BCAS2: variants seen among roughly 807,000 people sequenced by gnomAD.
BCAS2 encodes pre-mRNA-splicing factor SPF27.
Under a neutral mutation model 35.3 loss-of-function variants are expected in BCAS2, and 34 were observed. The ratio of observed to expected loss-of-function variants is 0.96; its 90% CI spans 0.73 to 1.28. The LOEUF (loss-of-function observed/expected upper bound fraction) is 1.28. BCAS2 is among the 50% of genes most tolerant of loss of function. The pLI, the probability that BCAS2 is intolerant of heterozygous loss-of-function variation, is 0.00. For missense variants in BCAS2, 221 were observed against 268.1 expected, an observed-to-expected ratio of 0.82 and a Z score of 1.23; for synonymous variants, 75 against 91.6, an observed-to-expected ratio of 0.82 and a Z score of 1.03.
rs1048760491 is a variant in BCAS2, at chr1:114,570,871, G to A, written c.420-121C>T. The A allele has an allele frequency of 6.7e-5, 48 of 717,450 alleles. 1 individual carries two copies. The Admixed American group carries it at 1.2e-3, about 19-fold the overall frequency. 44.4% of individuals were successfully genotyped at this position (717,450 alleles called of 1,614,324 possible). A position where few individuals can be genotyped will look rare whatever the true frequency, so the allele number is the denominator to read the frequency against. On this transcript the variant is annotated intron_variant, in intron 4 of 6. Coordinates refer to ENST00000369541, the MANE Select transcript of BCAS2 (RefSeq NM_005872.3). ...GGAGCTCTGTGCCAAGAACTATGTT[G>A]GACACTCCATAATCGAGGACTGTCA...
chr1:114,580,494 CTT>C (rs1161075551), intron 2 of BCAS2, among the ~76,000 whole-genome samples: 2 of 152,152 alleles, frequency 1.3e-5, no homozygotes, highest in African/African-American at 4.8e-5. Context: ...TCCTCTTGTC[CTT>C]ATACATACCC....
intron 4 of BCAS2, among the ~76,000 whole-genome samples, chr1:114,571,313 G>C (rs1340593399): frequency 6.6e-6 from 1 of 151,518 alleles, no homozygotes; most frequent in Non-Finnish European, 1.5e-5. Flanking sequence ...CATCTGCCTC[G>C]GCCTCCCAAA....
At position 114,581,595 on chromosome 1, in the gene BCAS2, G is replaced by A. The variant is rs199579577; in HGVS notation, c.-4C>T. 5.0e-6 allele frequency: 8 copies of A among 1,613,124 alleles called. No homozygotes were observed. In the East Asian group the frequency reaches 1.8e-4, roughly 36 times the overall value. On this transcript the variant is annotated 5_prime_UTR_variant, in exon 1 of 7. Coordinates refer to ENST00000369541, the MANE Select transcript of BCAS2 (RefSeq NM_005872.3). ...CCACCAAACCTGTGCCCGCCATTCT[G>A]AGGACCTCAGGTTTGCCTGCGTTTT... is the stretch of plus-strand genomic sequence containing the variant.
At position 114,576,604 on chromosome 1, in the gene BCAS2, G is replaced by A. The variant is rs1654773982; in HGVS notation, c.257+84C>T. 5 of 1,187,956 alleles carry A rather than the reference G, an allele frequency of 4.2e-6. No homozygotes were observed. The Admixed American group carries it at 6.1e-5, about 15-fold the overall frequency. 73.6% of individuals were successfully genotyped at this position (1,187,956 alleles called of 1,614,324 possible). A position where few individuals can be genotyped will look rare whatever the true frequency, so the allele number is the denominator to read the frequency against. ...CACCCGGCCAACACTGCCAATATTAGCCAGCAAATACATTCTTCACAAATC... is the reference window on the plus strand; with the variant it reads ...CACCCGGCCAACACTGCCAATATTAACCAGCAAATACATTCTTCACAAATC... On this transcript the variant is annotated intron_variant, in intron 3 of 6. Transcript: ENST00000369541.
At chr1:114,576,351 TG>T (rs1654765012) in intron 3 of BCAS2, among the ~76,000 whole-genome samples, 2 of 151,228 alleles carry the variant, frequency 1.3e-5, no homozygotes, top group Non-Finnish European at 1.5e-5. Flanking sequence ...CTCCATCTCC[TG>T]GGGGGTGTCA....
At chr1:114,571,648 C>T (rs1035382894) in intron 4 of BCAS2, among the ~76,000 whole-genome samples, 5 of 152,292 alleles carry the variant, frequency 3.3e-5, no homozygotes, top group South Asian at 2.1e-4. Flanking sequence ...GTGAGCCACA[C>T]GGCCTTTTGT....
rs67319421 is a variant in BCAS2, at chr1:114,568,755, C to CTT, written c.552-501_552-500dup. Among the ~76,000 whole-genome samples, 162 of 83,194 alleles carry CTT rather than the reference C, an allele frequency of 1.9e-3. 2 individuals are homozygous for CTT. The highest frequency in any genetic ancestry group is 5.0e-3 in the African/African-American group (110 of 22,198). The allele number at this position is 83,194 out of a possible 152,430, so 54.6% of individuals were successfully genotyped here. Reference sequence around the variant, plus strand: ...AGGGTACATGGAATCTCTCTGTATTCTTTTTTTTTTTTTTTTTTTTTTTTC... The same window carrying CTT: ...AGGGTACATGGAATCTCTCTGTATTCTTTTTTTTTTTTTTTTTTTTTTTTTTC... On this transcript the variant is annotated intron_variant, in intron 6 of 6. Coordinates refer to ENST00000369541, the MANE Select transcript of BCAS2 (RefSeq NM_005872.3).
chr1:114,573,802 T>C (rs1654700410), intron 4 of BCAS2, among the ~76,000 whole-genome samples: 1 of 152,244 alleles, frequency 6.6e-6, no homozygotes, highest in Non-Finnish European at 1.5e-5. Context: ...GTTGGCTTTG[T>C]AGAGTTTCCC....
chr1:114,581,460 G>A (rs769173110), intron 1 of BCAS2, 39 bp downstream of exon 1: 3 of 1,613,710 alleles, frequency 1.9e-6, no homozygotes, highest in Non-Finnish European at 2.5e-6. Context: ...TACCGAGCCA[G>A]CTAGCAGTGA....
At chr1:114,569,965 A>G (rs1570734989) in intron 6 of BCAS2, 27 bp downstream of exon 6, 4 of 1,547,784 alleles carry the variant, frequency 2.6e-6, no homozygotes, top group Non-Finnish European at 3.6e-6. Context: ...AAACAATTTA[A>G]AAGATGATGG....
intron 5 of BCAS2, 53 bp from the exon 6 acceptor site, chr1:114,570,125 C>A: frequency 8.1e-7 from 1 of 1,233,946 alleles, no homozygotes; most frequent in East Asian, 2.4e-5. Context: ...AGACCTAAAT[C>A]AACAGAAAAC....
intron 6 of BCAS2, among the ~76,000 whole-genome samples, chr1:114,568,662 T>C (rs190437895): frequency 4.4e-4 from 66 of 151,528 alleles, no homozygotes; most frequent in Admixed American, 2.1e-3. Flanking sequence ...CTACCATGCC[T>C]GGCCTAACCT....
intron 6 of BCAS2, 31 bp from the exon 7 acceptor site, chr1:114,568,287 T>A (rs1414045895): frequency 6.2e-7 from 1 of 1,603,992 alleles, no homozygotes; most frequent in East Asian, 2.2e-5. Flanking sequence ...AGAAAAAAAT[T>A]ACTCAATGTA....
intron 5 of BCAS2, 39 bp from the exon 6 acceptor site, chr1:114,570,111 T>G: frequency 7.1e-7 from 1 of 1,415,926 alleles, no homozygotes; most frequent in South Asian, 1.2e-5. Flanking sequence ...TACATTTTAA[T>G]GTAAGACCTA....
chr1:114,575,351 C>G (rs987496473), intron 4 of BCAS2, among the ~76,000 whole-genome samples: 3 of 134,000 alleles, frequency 2.2e-5, no homozygotes, highest in African/African-American at 8.3e-5. Flanking sequence ...CCATGCCCAG[C>G]TAATTTTTTG....
At chr1:114,572,929 A>G (rs951795082) in intron 4 of BCAS2, among the ~76,000 whole-genome samples, 1 of 152,010 alleles carries the variant, frequency 6.6e-6, no homozygotes, top group African/African-American at 2.4e-5. Context: ...CCTGGCCAAC[A>G]TGGTGAAACC....
At position 114,570,082 on chromosome 1, in the gene BCAS2, A is replaced by G. The variant is rs757580021; in HGVS notation, c.471-10T>C. The G allele has an allele frequency of 5.1e-6, 8 of 1,583,868 alleles. No homozygotes were observed. The highest frequency in any genetic ancestry group is 6.1e-6 in the Non-Finnish European group (7 of 1,154,390). ...ATCTTGAATATGTTTTCTGTAAAAA[A>G]TTATTTATACAACCCAATTACATTT... On this transcript the variant is annotated splice_polypyrimidine_tract_variant and intron_variant, in intron 5 of 6. Coordinates refer to ENST00000369541, the MANE Select transcript of BCAS2 (RefSeq NM_005872.3).
chr1:114,571,358 G>C (rs892966865), intron 4 of BCAS2, among the ~76,000 whole-genome samples: 1 of 151,982 alleles, frequency 6.6e-6, no homozygotes, highest in African/African-American at 2.4e-5. Flanking sequence ...ACTGTACCCA[G>C]CTTTTTTTTG....
chr1:114,576,243 C>CTT (rs1230082433), intron 3 of BCAS2, among the ~76,000 whole-genome samples: 3 of 145,110 alleles, frequency 2.1e-5, no homozygotes, highest in Admixed American at 2.1e-4. Context: ...CTCTCTCTCT[C>CTT]TCTCTATATA....
Sources: allele counts gnomAD v4.1 joint callset (sites outside exome capture counted in the v4.1 genomes callset), GRCh38; gene constraint gnomAD v4.1.1; transcripts MANE v1.5; gene names NCBI Gene and HGNC (gene_info 2026-07-23, HGNC 2026-07-21).